Variants in ISLR2 observed in about 807,000 individuals in gnomAD.
The protein encoded by ISLR2 is immunoglobulin superfamily containing leucine rich repeat 2, also known as immunoglobulin superfamily containing leucine-rich repeat protein 2.
ISLR2 carries 16 observed loss-of-function variants against 25.5 expected under a neutral mutation model. The observed-to-expected ratio is 0.63, with a 90% confidence interval of 0.43 to 0.95. The LOEUF (loss-of-function observed/expected upper bound fraction) is 0.95, where lower values mean the gene tolerates loss of function less well. Ranked by LOEUF, ISLR2 falls within the 40% of genes least tolerant of loss-of-function variation. ISLR2 has a pLI of 0.00. For missense variants in ISLR2, 883 were observed against 1,030.7 expected (o/e 0.86, Z 1.96); for synonymous variants, 508 against 486.6 (o/e 1.04, Z -0.58).
downstream of ISLR2, among the ~76,000 whole-genome samples, chr15:74,139,795 C>G (rs933544848): frequency 1.3e-5 from 2 of 151,980 alleles, no homozygotes; most frequent in South Asian, 4.1e-4. Context: ...TAGCTTCAAT[C>G]TCTCCAGTGT....
chr15:74,141,424 G>A (rs528514608), downstream of ISLR2, among the ~76,000 whole-genome samples: 4 of 152,274 alleles, frequency 2.6e-5, no homozygotes, highest in East Asian at 3.9e-4. Context: ...GAGGAACTTC[G>A]TAAGAATTGA....
chr15:74,107,212 C>T (rs1238322303), intron 2 of ISLR2, among the ~76,000 whole-genome samples: 1 of 152,212 alleles, frequency 6.6e-6, no homozygotes, highest in Non-Finnish European at 1.5e-5. Flanking sequence ...GAAGTTGCTC[C>T]ACCTGCTGTC....
In ISLR2 at chr15:74,134,749, C is replaced by A. The variant is rs774366048; in HGVS notation, c.1995C>A (p.Gly665=). 86 of 1,613,826 alleles carry A rather than the reference C, an allele frequency of 5.3e-5. No individual in the cohort carries two copies. The highest frequency in any genetic ancestry group is 6.9e-5 in the Non-Finnish European group (81 of 1,179,936). ...EKSYPAGGEA[G]GEEPEDVQGE... is the part of the protein sequence containing the mutation. ...GCTACCCGGCAGGCGGCGAGGCGGGCGGCGAGGAGCCAGAGGACGTGCAGG... is the reference window on the plus strand; with the variant it reads ...GCTACCCGGCAGGCGGCGAGGCGGGAGGCGAGGAGCCAGAGGACGTGCAGG... Residue 665 remains glycine (G), a synonymous_variant, in exon 3 of 3, where the codon GGC becomes GGA. Coordinates refer to ENST00000453268, the MANE Select transcript of ISLR2 (RefSeq NM_020851.3).
At chr15:74,103,369 G>A (rs1381478415) in intron 1 of ISLR2, among the ~76,000 whole-genome samples, 1 of 150,642 alleles carries the variant, frequency 6.6e-6, no homozygotes, top group African/African-American at 2.5e-5. Context: ...TCTGGAGGCT[G>A]AAGTGGCTGG....
chr15:74,106,720 C>T (rs1318640916), intron 2 of ISLR2, among the ~76,000 whole-genome samples: 3 of 152,138 alleles, frequency 2.0e-5, no homozygotes, highest in Non-Finnish European at 4.4e-5. Flanking sequence ...AGAATTCCTG[C>T]ACTGCCATAT....
At chr15:74,115,655 A>C (rs1201235157) in intron 2 of ISLR2, among the ~76,000 whole-genome samples, 1 of 152,108 alleles carries the variant, frequency 6.6e-6, no homozygotes, top group Non-Finnish European at 1.5e-5. Context: ...AGATCACACC[A>C]CTGCACTCCA....
chr15:74,109,304 G>T (rs2072147409), intron 2 of ISLR2, among the ~76,000 whole-genome samples: 2 of 151,966 alleles, frequency 1.3e-5, no homozygotes, highest in South Asian at 4.1e-4. Flanking sequence ...AAAGGAGACT[G>T]ACCATGTTGC....
chr15:74,134,752 C>T lies in ISLR2; in HGVS notation c.1998C>T (p.Gly666=). The T allele has an allele frequency of 1.2e-6, 2 of 1,613,912 alleles. No homozygotes were observed. Among genetic ancestry groups the T allele is most frequent in the Non-Finnish European group, 1.7e-6 (2 of 1,179,922 alleles). Residue 666 remains glycine (G), a synonymous_variant, in exon 3 of 3, where the codon GGC becomes GGT. Transcript: ENST00000453268. ...KSYPAGGEAG[G]EEPEDVQGEG... is the part of the protein sequence containing the mutation. ...ACCCGGCAGGCGGCGAGGCGGGCGGCGAGGAGCCAGAGGACGTGCAGGGGG... is the reference window on the plus strand; with the variant it reads ...ACCCGGCAGGCGGCGAGGCGGGCGGTGAGGAGCCAGAGGACGTGCAGGGGG...
intron 2 of ISLR2, among the ~76,000 whole-genome samples, chr15:74,110,337 A>G (rs1424505650): frequency 1.3e-5 from 2 of 152,224 alleles, no homozygotes; most frequent in Admixed American, 6.5e-5. Flanking sequence ...ACACCTCAAT[A>G]TATGACCTAG....
upstream of ISLR2, among the ~76,000 whole-genome samples, chr15:74,125,069 A>AC (rs2072283473): frequency 1.3e-5 from 2 of 152,032 alleles, no homozygotes; most frequent in Non-Finnish European, 2.9e-5. Context: ...CCCCTGCCTC[A>AC]CCCGGCCCTA....
chr15:74,129,427 A>C, upstream of ISLR2: 1 of 192,480 alleles, frequency 5.2e-6, no homozygotes, highest in Non-Finnish European at 1.1e-5. This position sits in a 1 kb window ranked among gnomAD's most constrained non-coding sequence, Gnocchi z 4.5. Context: ...CCATCGAGAG[A>C]CCCCCATGGC....
At position 74,134,042 on chromosome 15, in the gene ISLR2, G is replaced by A. The variant is rs1246446167; in HGVS notation, c.1288G>A (p.Glu430Lys). 7 of 1,613,558 alleles carry A rather than the reference G, an allele frequency of 4.3e-6. No individual in the cohort carries two copies. The highest frequency in any genetic ancestry group is 5.9e-6 in the Non-Finnish European group (7 of 1,179,844). ...CCTGGCCAAGGTCAGCATTCTCGGG[G>A]AGACCGAGACGGAGCCGGAGGAGGA... is the stretch of plus-strand genomic sequence containing the variant. Reference protein sequence around the residue: ...QGLAKVSILGETETEPEEDTS... With the variant: ...QGLAKVSILGKTETEPEEDTS... Residue 430 changes from glutamate (E) to lysine (K), a missense_variant, in exon 3 of 3, where the codon GAG (glutamate) becomes AAG (lysine). By Grantham distance (56) the Glu-to-Lys change is moderately conservative. This residue lies in a region of ISLR2 where 612 missense variants were observed against 642.8 expected (regional missense o/e 0.95). Coordinates refer to ENST00000453268, the MANE Select transcript of ISLR2 (RefSeq NM_020851.3).
rs1213436681 is a variant in ISLR2 at position 74,132,950 on chromosome 15, C to T, written c.196C>T (p.Leu66=). 1 of 1,614,058 alleles carries T rather than the reference C, an allele frequency of 6.2e-7. No individual in the cohort carries two copies. Among genetic ancestry groups the T allele is most frequent in the Non-Finnish European group, 8.5e-7 (1 of 1,179,944 alleles). The part of the protein sequence containing the change: ...LSLSANKITV[L]RRGAFADVTQ... ...TCTGTCCGCGAACAAGATCACTGTG[C>T]TGCGGCGCGGGGCCTTCGCCGACGT... is the stretch of plus-strand genomic sequence containing the variant. Residue 66 remains leucine (L), a synonymous_variant, in exon 3 of 3, where the codon CTG becomes TTG. Transcript: ENST00000453268. This position sits in a 1 kb window ranked among gnomAD's most constrained non-coding sequence, Gnocchi z 4.3.
Position 74,135,828 on chromosome 15 carries a change from C to G in ISLR2, c.*836C>G, listed in dbSNP as rs1386099544. On this transcript the variant is annotated 3_prime_UTR_variant, in exon 3 of 3. Transcript: ENST00000453268. ...CCTCCTCCCTTTCAATCCCTACTCC[C>G]AGAAGCCGGGATTCGTGGCAACCCC... 6.0e-6 allele frequency: 1 copy of G among 167,026 alleles called. No homozygotes were observed. Among genetic ancestry groups the G allele is most frequent in the Non-Finnish European group, 1.5e-5 (1 of 68,186 alleles). 10.3% of individuals were successfully genotyped at this position (167,026 alleles called of 1,614,324 possible).
intron 2 of ISLR2, among the ~76,000 whole-genome samples, chr15:74,116,187 C>A (rs545941594): frequency 1.3e-5 from 2 of 152,080 alleles, no homozygotes; most frequent in South Asian, 4.2e-4. Context: ...CATAGTGAGA[C>A]CTTGTCTCAA....
At chr15:74,123,424 C>G (rs2072268610), upstream of ISLR2, among the ~76,000 whole-genome samples, 2 of 152,182 alleles carry the variant, frequency 1.3e-5, no homozygotes. Context: ...GGCCACAGCA[C>G]CCAAGGGCCT....
upstream of ISLR2, chr15:74,128,484 A>G (rs1206694683): frequency 4.4e-6 from 2 of 456,632 alleles, no homozygotes; most frequent in Non-Finnish European, 8.8e-6. Flanking sequence ...AACCCTGTCA[A>G]GACAGCAAGG....
chr15:74,132,319 G>C lies in ISLR2; in HGVS notation c.-8-428G>C, dbSNP rs1397877064. Among the ~76,000 whole-genome samples the C allele has an allele frequency of 6.6e-6, 1 of 152,190 alleles. No individual in the cohort carries two copies. The highest frequency in any genetic ancestry group is 1.5e-5 in the Non-Finnish European group (1 of 68,018). On this transcript the variant is annotated intron_variant, in intron 2 of 2. Transcript: ENST00000453268. This position sits in a 1 kb window ranked among gnomAD's most constrained non-coding sequence, Gnocchi z 4.3. ...ATGGGCGTGTGTGCGAGTGCTGTGC[G>C]TGGGACAAAGGTTCCAGGGAGGACA... is the stretch of plus-strand genomic sequence containing the variant.
chr15:74,139,007 T>C (rs141413346), downstream of ISLR2, among the ~76,000 whole-genome samples: 4 of 152,306 alleles, frequency 2.6e-5, no homozygotes, highest in Non-Finnish European at 5.9e-5. Context: ...GCCCCTTCCT[T>C]TCCCTCCCTG....
Sources: allele counts gnomAD v4.1 joint callset (sites outside exome capture counted in the v4.1 genomes callset), GRCh38; gene constraint gnomAD v4.1.1; regional missense constraint gnomAD v4.1.1; non-coding constraint Gnocchi (gnomAD v3.1); transcripts MANE v1.5; gene names NCBI Gene and HGNC (gene_info 2026-07-23, HGNC 2026-07-21).